Variants in ANO2 observed in about 807,000 individuals in gnomAD.
ANO2 encodes anoctamin-2.
A neutral mutation model predicts 124.2 loss-of-function variants in ANO2; 101 were observed. That is an observed-to-expected ratio of 0.81 (90% CI 0.69 to 0.96). ANO2 has a LOEUF of 0.96. Among genes scored for constraint, ANO2 ranks in the 40% least tolerant of loss-of-function variants. ANO2 has a pLI of 0.00. For missense variants in ANO2, 1,293 were observed against 1,274.5 expected (o/e 1.01, Z -0.22); for synonymous variants, 486 against 482.5 (o/e 1.01, Z -0.09).
intron 15 of ANO2, among the ~76,000 whole-genome samples, chr12:5,642,908 T>A (rs1946453017): frequency 6.6e-6 from 1 of 152,218 alleles, no homozygotes; most frequent in South Asian, 2.1e-4. Flanking sequence ...CTGCCCAGAA[T>A]GTTTCCCCTA....
intron 20 of ANO2, among the ~76,000 whole-genome samples, chr12:5,596,215 G>A (rs530230593): frequency 1.3e-5 from 2 of 152,274 alleles, no homozygotes; most frequent in African/African-American, 4.8e-5. Context: ...AAAATAGGGA[G>A]AATTGTTAAA....
chr12:5,646,353 A>G (rs953310608), intron 15 of ANO2, among the ~76,000 whole-genome samples: 5 of 152,214 alleles, frequency 3.3e-5, no homozygotes, highest in Non-Finnish European at 7.3e-5. Context: ...ACATTTATCC[A>G]ATTTTTTAAA....
intron 20 of ANO2, among the ~76,000 whole-genome samples, chr12:5,588,723 G>A (rs1394759086): frequency 6.6e-6 from 1 of 152,186 alleles, no homozygotes. Context: ...CACTGACTCT[G>A]TTTTACCTTG....
Position 5,730,708 on chromosome 12 carries a change from G to T in ANO2, c.1545+1812C>A, listed in dbSNP as rs562865937. 6.6e-5 allele frequency among the ~76,000 whole-genome samples: 10 copies of T among 152,280 alleles called. No individual in the cohort carries two copies. The South Asian group carries it at 2.1e-3, about 32-fold the overall frequency. On this transcript the variant is annotated intron_variant, in intron 14 of 24. Transcript: ENST00000682330. ...GCATCCACCTTTATCTCCCACCTAT[G>T]GCTGGATTTGGCAAGAACAGAAGCA...
In ANO2 at chr12:5,642,334, G is replaced by A. The variant is rs553311109; in HGVS notation, c.1620+5393C>T. ...TAGTGATTAGGTCTCCAGCCTGGAC[G>A]TCTTCCCTGAACTCCAGACTCATAT... On this transcript the variant is annotated intron_variant, in intron 15 of 24. Transcript: ENST00000682330. 2.3e-4 allele frequency among the ~76,000 whole-genome samples: 35 copies of A among 152,206 alleles called. No homozygotes were observed. The South Asian group carries it at 5.4e-3, about 23-fold the overall frequency.
chr12:5,778,795 A>C (rs1465508777), intron 10 of ANO2, among the ~76,000 whole-genome samples: 1 of 152,226 alleles, frequency 6.6e-6, no homozygotes, highest in African/African-American at 2.4e-5. Flanking sequence ...AAAAATTTTG[A>C]GTCCAGAGCA....
chr12:5,695,351 T>C (rs945664266), intron 14 of ANO2, among the ~76,000 whole-genome samples: 4 of 151,418 alleles, frequency 2.6e-5, no homozygotes, highest in African/African-American at 9.7e-5. Context: ...TTGGTCAGCA[T>C]TCTTTTCAAG....
intron 14 of ANO2, among the ~76,000 whole-genome samples, 195 bp downstream of exon 14, chr12:5,732,325 G>A (rs1362664713): frequency 6.6e-6 from 1 of 152,124 alleles, no homozygotes; most frequent in South Asian, 2.1e-4. Context: ...GGAAAGAGAG[G>A]TCAAGTCATA....
intron 3 of ANO2, among the ~76,000 whole-genome samples, chr12:5,896,681 C>A (rs890856749): frequency 2.0e-5 from 3 of 152,168 alleles, no homozygotes; most frequent in African/African-American, 7.2e-5. Context: ...TTTGATAATT[C>A]TCTAAATTTC....
At position 5,832,481 on chromosome 12, in the gene ANO2, G is replaced by C. The variant is rs574098516; in HGVS notation, c.756C>G (p.Ser252=). 1.2e-6 allele frequency: 2 copies of C among 1,613,994 alleles called. No individual in the cohort carries two copies. Among genetic ancestry groups the C allele is most frequent in the African/African-American group, 2.7e-5 (2 of 75,042 alleles). ...ACATCTTCTCCCTGGAGAATGGGTA[G>C]GAGAGGTTTTTCATCTTGTTGTTGC... is the stretch of plus-strand genomic sequence containing the variant. The part of the protein sequence containing the change: ...EHSNNKMKNL[S]YPFSREKMYL... The change falls in exon 5 of 25, where the codon TCC becomes TCG. Residue 252 remains serine (S), a synonymous_variant. Coordinates refer to ENST00000682330, the MANE Select transcript of ANO2 (RefSeq NM_001364791.2).
At chr12:5,890,909 C>T (rs993837957) in intron 3 of ANO2, among the ~76,000 whole-genome samples, 1 of 152,138 alleles carries the variant, frequency 6.6e-6, no homozygotes, top group Admixed American at 6.5e-5. Flanking sequence ...ACATTGTTTG[C>T]CTTTCCCATA....
At chr12:5,613,781 G>C (rs1944662248) in intron 17 of ANO2, among the ~76,000 whole-genome samples, 1 of 152,178 alleles carries the variant, frequency 6.6e-6, no homozygotes, top group African/African-American at 2.4e-5. Context: ...GTGTGCTGTT[G>C]CTAAGGCTAT....
rs376034672 is a variant in ANO2 at position 5,725,997 on chromosome 12, G to A, written c.1545+6523C>T. Among the ~76,000 whole-genome samples the A allele has an allele frequency of 1.4e-4, 21 of 152,176 alleles. No individual in the cohort carries two copies. The East Asian group carries it at 2.9e-3, about 21-fold the overall frequency. On this transcript the variant is annotated intron_variant, in intron 14 of 24. Coordinates refer to ENST00000682330, the MANE Select transcript of ANO2 (RefSeq NM_001364791.2). Reference sequence around the variant, plus strand: ...ACTGCTCCTCAACCTGCCAGCTCCAGCACCTTGCCATCTGCACTCAACTTA... The same window carrying A: ...ACTGCTCCTCAACCTGCCAGCTCCAACACCTTGCCATCTGCACTCAACTTA...
intron 7 of ANO2, among the ~76,000 whole-genome samples, chr12:5,823,943 G>A (rs1421261588): frequency 1.3e-5 from 2 of 152,226 alleles, no homozygotes; most frequent in African/African-American, 2.4e-5. Context: ...AAGGCTTGGG[G>A]CTTCCGTCCT....
chr12:5,799,389 G>A, intron 10 of ANO2, 118 bp downstream of exon 10: 1 of 870,534 alleles, frequency 1.1e-6, no homozygotes, highest in Non-Finnish European at 1.8e-6. Context: ...GATCATAGAA[G>A]CTAGAAAAGA....
intron 13 of ANO2, 178 bp from the exon 14 acceptor site, chr12:5,732,808 A>G: frequency 6.2e-7 from 1 of 1,609,122 alleles, no homozygotes; most frequent in Non-Finnish European, 8.5e-7. Flanking sequence ...ACATAAGAAC[A>G]CAACGTGAGG....
At chr12:5,812,112 C>CCAGGGAAGGGCAGGGAAAATAGTG (rs1953407944) in intron 7 of ANO2, among the ~76,000 whole-genome samples, 1 of 127,856 alleles carries the variant, frequency 7.8e-6, no homozygotes, top group African/African-American at 3.0e-5. Flanking sequence ...GGAGGCGAGG[C>CCAGGGAAGGGCAGGGAAAATAGTG]CAGGGAAGGG....
At chr12:5,616,114 C>T (rs1360439847) in intron 16 of ANO2, among the ~76,000 whole-genome samples, 1 of 152,198 alleles carries the variant, frequency 6.6e-6, no homozygotes, top group Non-Finnish European at 1.5e-5. Flanking sequence ...ACTCCACAGA[C>T]AGTGACAAAT....
At chr12:5,688,394 T>A (rs139987982) in intron 14 of ANO2, among the ~76,000 whole-genome samples, 338 of 152,252 alleles carry the variant, frequency 2.2e-3, no homozygotes, top group Non-Finnish European at 2.9e-3. Flanking sequence ...TCTACTCTAA[T>A]CAGAGGGCTT....
Sources: allele counts gnomAD v4.1 joint callset (sites outside exome capture counted in the v4.1 genomes callset), GRCh38; gene constraint gnomAD v4.1.1; transcripts MANE v1.5; gene names NCBI Gene and HGNC (gene_info 2026-07-23, HGNC 2026-07-21).